KANSL1: variants seen among roughly 807,000 people sequenced by gnomAD.
The protein encoded by KANSL1 is MLL1/MLL complex subunit KANSL1.
A neutral mutation model predicts 103.6 loss-of-function variants in KANSL1; 22 were observed. The ratio of observed to expected loss-of-function variants is 0.21; its 90% CI spans 0.15 to 0.30. The LOEUF (loss-of-function observed/expected upper bound fraction) is 0.30. KANSL1 is among the 10% of genes least tolerant of loss of function. The pLI, the probability that KANSL1 is intolerant of heterozygous loss-of-function variation, is 1.00. For missense variants in KANSL1, 1,337 were observed against 1,399.8 expected (o/e 0.96, Z 0.72); for synonymous variants, 600 against 527.6 (o/e 1.14, Z -1.88).
At chr17:46,190,116 G>T (rs1306346868) in intron 1 of KANSL1, among the ~76,000 whole-genome samples, 1 of 152,176 alleles carries the variant, frequency 6.6e-6, no homozygotes, top group Non-Finnish European at 1.5e-5. Flanking sequence ...AAAACCTGTG[G>T]TCAACTCAAT....
intron 1 of KANSL1, among the ~76,000 whole-genome samples, chr17:46,212,391 T>G (rs760218966): frequency 1.3e-5 from 2 of 152,266 alleles, no homozygotes; most frequent in Middle Eastern, 3.4e-3. Context: ...CAGCTAATTT[T>G]TGTATTTTTA....
chr17:46,202,981 T>A (rs918086994), intron 1 of KANSL1, among the ~76,000 whole-genome samples: 6 of 152,216 alleles, frequency 3.9e-5, no homozygotes. Flanking sequence ...TCTCTAATAC[T>A]AGCACTTTGG....
intron 2 of KANSL1, among the ~76,000 whole-genome samples, chr17:46,138,493 A>G (rs72628328): frequency 0.14 from 21,645 of 151,738 alleles, 1,762 homozygotes; most frequent in East Asian, 0.46. Context: ...ATCCCATCTT[A>G]TATCAGGGAT....
At chr17:46,158,150 T>C (rs1361957922) in intron 2 of KANSL1, among the ~76,000 whole-genome samples, 2 of 152,242 alleles carry the variant, frequency 1.3e-5, no homozygotes, top group South Asian at 2.1e-4. Flanking sequence ...CCTTTGACAT[T>C]TGACGGTGCA....
At chr17:46,052,794 T>TAAAAAAAAAA (rs35162336) in intron 6 of KANSL1, among the ~76,000 whole-genome samples, 1 of 118,306 alleles carries the variant, frequency 8.5e-6, no homozygotes, top group Non-Finnish European at 1.7e-5. Flanking sequence ...AATTTAAAAT[T>TAAAAAAAAAA]AAAAAAAAAA....
At chr17:46,217,503 G>C (rs1398641685) in intron 1 of KANSL1, among the ~76,000 whole-genome samples, 1 of 151,976 alleles carries the variant, frequency 6.6e-6, no homozygotes, top group Non-Finnish European at 1.5e-5. Flanking sequence ...TCTTCAAAGA[G>C]GTCATAAAGT....
At chr17:46,098,611 A>G (rs1433906536) in intron 2 of KANSL1, among the ~76,000 whole-genome samples, 1 of 152,240 alleles carries the variant, frequency 6.6e-6, no homozygotes, top group Non-Finnish European at 1.5e-5. Flanking sequence ...CCTCCTGATA[A>G]TATGTTTTGG....
At chr17:46,066,881 G>A in intron 5 of KANSL1, 149 bp from the exon 6 acceptor site, 1 of 617,926 alleles carries the variant, frequency 1.6e-6, no homozygotes, top group Non-Finnish European at 2.8e-6. Context: ...TAGAGCAGAA[G>A]CAGGTCTCCT....
At chr17:46,159,579 T>C (rs995598761) in intron 2 of KANSL1, among the ~76,000 whole-genome samples, 2 of 152,248 alleles carry the variant, frequency 1.3e-5, no homozygotes, top group Non-Finnish European at 2.9e-5. Context: ...TCAAGTTCTA[T>C]GGTAACTAGA....
chr17:46,177,847 A>G (rs2046598625), intron 1 of KANSL1, among the ~76,000 whole-genome samples: 1 of 152,028 alleles, frequency 6.6e-6, no homozygotes, highest in Admixed American at 6.5e-5. Flanking sequence ...GCGTGATCTA[A>G]GCTCACTGCA....
intron 5 of KANSL1, 104 bp downstream of exon 5, chr17:46,067,445 T>TTAAAC: frequency 1.3e-6 from 1 of 744,302 alleles, no homozygotes; most frequent in Non-Finnish European, 2.4e-6. Flanking sequence ...TGATAAGGCT[T>TTAAAC]CCGCTTCTTT....
upstream of KANSL1, chr17:46,224,757 C>T (rs1209129306): frequency 1.4e-5 from 2 of 147,746 alleles, no homozygotes; most frequent in African/African-American, 5.0e-5. Flanking sequence ...GAGGCGAGAG[C>T]CCGAGATCGC....
chr17:46,094,983 A>T (rs1363836503), intron 2 of KANSL1, among the ~76,000 whole-genome samples: 1 of 152,232 alleles, frequency 6.6e-6, no homozygotes, highest in Admixed American at 6.5e-5. Context: ...GGGACAATAA[A>T]ATTATTGTCC....
At chr17:46,215,139 T>C (rs1416067199) in intron 1 of KANSL1, 2 of 152,396 alleles carry the variant, frequency 1.3e-5, no homozygotes, top group Admixed American at 6.5e-5. Flanking sequence ...CTGTGATCAA[T>C]TAATAGTAAA....
chr17:46,154,520 G>A (rs1459029409), intron 2 of KANSL1, among the ~76,000 whole-genome samples: 1 of 152,132 alleles, frequency 6.6e-6, no homozygotes, highest in Non-Finnish European at 1.5e-5. Flanking sequence ...GAGCTCAAGT[G>A]ATCCCCCTGC....
chr17:46,225,155 C>T (rs1188866793), upstream of KANSL1, among the ~76,000 whole-genome samples: 1 of 151,924 alleles, frequency 6.6e-6, no homozygotes, highest in Non-Finnish European at 1.5e-5. Context: ...CCAGCCCCGC[C>T]GCTTCCAGGG....
chr17:46,202,777 T>C (rs1024183536), intron 1 of KANSL1, among the ~76,000 whole-genome samples: 2 of 152,264 alleles, frequency 1.3e-5, no homozygotes, highest in African/African-American at 4.8e-5. Context: ...ACAAAAATTA[T>C]AGAATATAAT....
At chr17:46,034,407 T>C (rs2077092258) in intron 10 of KANSL1, 122 bp from the exon 11 acceptor site, 2 of 1,034,826 alleles carry the variant, frequency 1.9e-6, no homozygotes, top group African/African-American at 1.6e-5. Flanking sequence ...TGAAGCTGAG[T>C]AATGACCATA....
intron 1 of KANSL1, among the ~76,000 whole-genome samples, chr17:46,212,135 T>G (rs1034888697): frequency 6.6e-6 from 1 of 152,238 alleles, no homozygotes; most frequent in Non-Finnish European, 1.5e-5. Flanking sequence ...TATACATTCC[T>G]TATCTTTATA....
Sources: gnomAD v4.1 joint callset for allele counts (sites outside exome capture counted in the v4.1 genomes callset) on GRCh38, gnomAD v4.1.1 for gene constraint, MANE v1.5 for transcripts, NCBI Gene and HGNC (gene_info 2026-07-23, HGNC 2026-07-21) for gene names.